Variants in MBNL1 observed in about 807,000 individuals in gnomAD.
The protein encoded by MBNL1 is muscleblind like splicing regulator 1.
A neutral mutation model predicts 42.2 loss-of-function variants in MBNL1; 8 were observed. That is an observed-to-expected ratio of 0.19 (90% CI 0.11 to 0.34). The LOEUF (loss-of-function observed/expected upper bound fraction) is 0.34. Ranked by LOEUF, MBNL1 falls within the 10% of genes least tolerant of loss-of-function variation. The probability of loss-of-function intolerance (pLI) is 1.00; values close to 1 mark genes in which losing one functional copy is unlikely to be tolerated. For synonymous variants in MBNL1, 169 were observed against 173.9 expected, an observed-to-expected ratio of 0.97 and a Z score of 0.22; for missense variants, 309 against 495.3, an observed-to-expected ratio of 0.62 and a Z score of 3.57.
At chr3:152,457,379 A>T (rs903067062) in intron 8 of MBNL1, among the ~76,000 whole-genome samples, 1 of 152,194 alleles carries the variant, frequency 6.6e-6, no homozygotes, top group South Asian at 2.1e-4. Context: ...GAAAATGAAC[A>T]TGTTCCCCCT....
intron 1 of MBNL1, among the ~76,000 whole-genome samples, chr3:152,297,546 G>C (rs952125472): frequency 6.6e-6 from 1 of 152,018 alleles, no homozygotes; most frequent in East Asian, 1.9e-4. Flanking sequence ...TTTAGAGACA[G>C]GGTTTTGCCA....
intron 2 of MBNL1, among the ~76,000 whole-genome samples, chr3:152,311,287 G>A (rs2066324476): frequency 6.6e-6 from 1 of 152,086 alleles, no homozygotes; most frequent in South Asian, 2.1e-4. Flanking sequence ...GATTACAGGC[G>A]TGAGCCACTG....
At position 152,374,467 on chromosome 3, in the gene MBNL1, A is replaced by T. The variant is rs1420533683; in HGVS notation, c.175-40474A>T. Among the ~76,000 whole-genome samples, 5 of 152,182 alleles carry T rather than the reference A, an allele frequency of 3.3e-5. No homozygotes were observed. In the South Asian group the frequency reaches 1.0e-3, roughly 32 times the overall value. On this transcript the variant is annotated intron_variant, in intron 2 of 9. Transcript: ENST00000324210. The stretch of plus-strand genomic sequence containing the variant: ...CAGCAAGTAGTCATTTCCCAGCTCT[A>T]TTATAAATCACTAAGTAATCACACT...
intron 2 of MBNL1, among the ~76,000 whole-genome samples, chr3:152,320,948 T>C (rs941477133): frequency 6.6e-6 from 1 of 152,090 alleles, no homozygotes; most frequent in Non-Finnish European, 1.5e-5. Flanking sequence ...TTTATAGTGT[T>C]GCAACTTCTG....
intron 2 of MBNL1, among the ~76,000 whole-genome samples, chr3:152,310,298 A>T (rs2065605664): frequency 6.6e-6 from 1 of 152,224 alleles, no homozygotes; most frequent in Admixed American, 6.5e-5. Context: ...TATTCCCCTG[A>T]TTTGATCCTC....
intron 2 of MBNL1, among the ~76,000 whole-genome samples, chr3:152,326,778 A>ATTATTTATTTATTTAT (rs3988216): frequency 0.016 from 2,249 of 141,982 alleles, 27 homozygotes; most frequent in Middle Eastern, 0.032. Context: ...CCTTGGGAAA[A>ATTATTTATTTATTTAT]TTATTTATTT....
intron 2 of MBNL1, among the ~76,000 whole-genome samples, chr3:152,307,341 A>G (rs1297841032): frequency 6.6e-6 from 1 of 152,232 alleles, no homozygotes; most frequent in Non-Finnish European, 1.5e-5. Context: ...AATATAGCAG[A>G]AATGCCATGT....
intron 8 of MBNL1, chr3:152,457,956 A>G (rs1737101886): frequency 1.8e-6 from 1 of 566,568 alleles, no homozygotes; most frequent in Non-Finnish European, 3.2e-6. Flanking sequence ...ATGGATATAT[A>G]TATACACACA....
At chr3:152,390,613 G>GCGCACA (rs34259730) in intron 2 of MBNL1, among the ~76,000 whole-genome samples, 1 of 147,156 alleles carries the variant, frequency 6.8e-6, no homozygotes, top group African/African-American at 2.5e-5. Context: ...GTATTGTTAT[G>GCGCACA]CACACACACA....
chr3:152,321,395 A>T (rs1490979846), intron 2 of MBNL1, among the ~76,000 whole-genome samples: 1 of 152,118 alleles, frequency 6.6e-6, no homozygotes, highest in Non-Finnish European at 1.5e-5. Flanking sequence ...TTGCTTAGAG[A>T]GTAAAGTTCT....
intron 2 of MBNL1, among the ~76,000 whole-genome samples, chr3:152,372,239 G>A (rs1228204012): frequency 6.6e-6 from 1 of 152,142 alleles, no homozygotes; most frequent in Non-Finnish European, 1.5e-5. Flanking sequence ...CTTGCAGTGG[G>A]TTAGAATGTG....
At chr3:152,390,716 C>T (rs768370717) in intron 2 of MBNL1, among the ~76,000 whole-genome samples, 7 of 151,760 alleles carry the variant, frequency 4.6e-5, no homozygotes, top group Non-Finnish European at 8.8e-5. Context: ...AAATGCCATA[C>T]CTTCTTTATT....
At chr3:152,426,845 T>C (rs1690629147) in intron 3 of MBNL1, among the ~76,000 whole-genome samples, 1 of 152,244 alleles carries the variant, frequency 6.6e-6, no homozygotes, top group Admixed American at 6.5e-5. Context: ...TTTTAGCTAA[T>C]GTCTTGAGAG....
intron 2 of MBNL1, among the ~76,000 whole-genome samples, chr3:152,408,526 A>T (rs560497978): frequency 2.6e-5 from 4 of 152,238 alleles, no homozygotes; most frequent in African/African-American, 7.2e-5. Flanking sequence ...TGCTGTTAGA[A>T]ATAGGTGCAT....
intron 2 of MBNL1, among the ~76,000 whole-genome samples, chr3:152,347,804 G>A (rs1301235223): frequency 6.6e-6 from 1 of 152,078 alleles, no homozygotes; most frequent in Non-Finnish European, 1.5e-5. Flanking sequence ...TTTGTAAACT[G>A]ATACTCATCT....
upstream of MBNL1, chr3:152,263,627 G>C (rs992680091): frequency 1.3e-5 from 2 of 152,224 alleles, no homozygotes; most frequent in Non-Finnish European, 2.9e-5. Context: ...ATTCTCAGCA[G>C]TGGTGGACTT....
chr3:152,404,306 A>G (rs2098354697), intron 2 of MBNL1, among the ~76,000 whole-genome samples: 2 of 152,234 alleles, frequency 1.3e-5, no homozygotes, highest in South Asian at 4.1e-4. Context: ...TATATGCATA[A>G]TATATGCTGT....
chr3:152,271,240 T>G (rs1028916081), intron 1 of MBNL1, among the ~76,000 whole-genome samples: 2 of 152,190 alleles, frequency 1.3e-5, no homozygotes, highest in African/African-American at 2.4e-5. Context: ...CTGTTCTTCC[T>G]TTGGGCACAG....
intron 6 of MBNL1, among the ~76,000 whole-genome samples, chr3:152,453,724 T>C (rs1728105038): frequency 6.6e-6 from 1 of 152,182 alleles, no homozygotes; most frequent in Admixed American, 6.5e-5. Context: ...TGTGCATTGG[T>C]TATAATGCTA....
Sources: gnomAD v4.1 joint callset for allele counts (sites outside exome capture counted in the v4.1 genomes callset) on GRCh38, gnomAD v4.1.1 for gene constraint, MANE v1.5 for transcripts, NCBI Gene and HGNC (gene_info 2026-07-23, HGNC 2026-07-21) for gene names.